The following TLK1 variants were observed in gnomAD, a reference collection of about 807,000 sequenced individuals.
TLK1 encodes the protein tousled like kinase 1, also known as serine/threonine-protein kinase tousled-like 1.
In TLK1, 24 loss-of-function variants were observed where a neutral mutation model predicts 105.3. The observed-to-expected ratio is 0.23, with a 90% CI of 0.17 to 0.32. The LOEUF (loss-of-function observed/expected upper bound fraction) is 0.32. TLK1 is among the 10% of genes least tolerant of loss of function. TLK1 has a pLI of 1.00. For synonymous variants in TLK1, 321 were observed against 310.4 expected, an observed-to-expected ratio of 1.03 and a Z score of -0.36; for missense variants, 558 against 910.5, an observed-to-expected ratio of 0.61 and a Z score of 4.98.
At chr2:171,004,155 G>A (rs1317653769) in intron 18 of TLK1, among the ~76,000 whole-genome samples, 1 of 151,950 alleles carries the variant, frequency 6.6e-6, no homozygotes, top group Non-Finnish European at 1.5e-5. Context: ...CAGAGACGAG[G>A]TTTCACCACG....
intron 1 of TLK1, among the ~76,000 whole-genome samples, chr2:171,138,899 A>AT (rs890419456): frequency 3.9e-5 from 6 of 152,150 alleles, no homozygotes; most frequent in African/African-American, 1.2e-4. Flanking sequence ...AGACATTCAT[A>AT]TTTTTTTACT....
chr2:171,186,186 T>G (rs1162016135), intron 1 of TLK1, among the ~76,000 whole-genome samples: 1 of 152,232 alleles, frequency 6.6e-6, no homozygotes, highest in African/African-American at 2.4e-5. Context: ...AGGAATGGCA[T>G]TGTTGGATTA....
chr2:171,178,174 A>G (rs728457), intron 1 of TLK1, among the ~76,000 whole-genome samples: 6,885 of 152,288 alleles, frequency 0.045, 460 homozygotes, highest in East Asian at 0.3. Flanking sequence ...GCTCCTGTCA[A>G]TAAACTCTAT....
At chr2:171,003,897 AACAG>A (rs1243909248) in intron 18 of TLK1, among the ~76,000 whole-genome samples, 1 of 152,224 alleles carries the variant, frequency 6.6e-6, no homozygotes, top group East Asian at 1.9e-4. Context: ...TAAATGGTAA[AACAG>A]ACAAGTATCT....
At chr2:171,172,073 T>C (rs1489576691) in intron 1 of TLK1, among the ~76,000 whole-genome samples, 2 of 152,352 alleles carry the variant, frequency 1.3e-5, no homozygotes, top group East Asian at 1.9e-4. Flanking sequence ...AATACAATAC[T>C]ATGCAGAAAT....
chr2:171,060,755 T>C (rs1229937319), intron 4 of TLK1, among the ~76,000 whole-genome samples: 4 of 152,064 alleles, frequency 2.6e-5, no homozygotes, highest in African/African-American at 9.7e-5. Context: ...TGGGAAAAGT[T>C]TGAGTAGTTC....
chr2:171,162,773 G>A (rs1692537921), upstream of TLK1, among the ~76,000 whole-genome samples: 1 of 152,106 alleles, frequency 6.6e-6, no homozygotes, highest in Non-Finnish European at 1.5e-5. Context: ...CAGTCAATTT[G>A]TACTCTTGTC....
At chr2:171,159,817 G>C (rs1362092815) in intron 1 of TLK1, 1 of 154,150 alleles carries the variant, frequency 6.5e-6, no homozygotes, top group Non-Finnish European at 1.4e-5. Context: ...GGGCAGCAAA[G>C]CTCGCAAAGT....
intron 2 of TLK1, among the ~76,000 whole-genome samples, chr2:171,113,098 C>A (rs1056657793): frequency 4.6e-5 from 7 of 151,904 alleles, no homozygotes; most frequent in Non-Finnish European, 8.8e-5. Context: ...ACAAAGTCAA[C>A]CCCAGAAAAA....
At chr2:171,220,541 A>G (rs1328310683) in intron 1 of TLK1, among the ~76,000 whole-genome samples, 3 of 152,216 alleles carry the variant, frequency 2.0e-5, no homozygotes, top group Non-Finnish European at 4.4e-5. Context: ...AGAGACCCAC[A>G]TGGGGAGGAC....
chr2:171,168,649 A>G (rs973147452), intron 1 of TLK1, among the ~76,000 whole-genome samples: 12 of 152,234 alleles, frequency 7.9e-5, no homozygotes, highest in Non-Finnish European at 4.4e-5. Context: ...GGTGTCTAAA[A>G]CAGACTTTAG....
At chr2:171,173,501 C>T (rs919854688) in intron 1 of TLK1, among the ~76,000 whole-genome samples, 1 of 152,030 alleles carries the variant, frequency 6.6e-6, no homozygotes, top group African/African-American at 2.4e-5. Context: ...GATCCTCCCA[C>T]CTCAGCTTCC....
chr2:171,041,591 T>C (rs977889352), intron 11 of TLK1, among the ~76,000 whole-genome samples: 1 of 152,204 alleles, frequency 6.6e-6, no homozygotes, highest in Non-Finnish European at 1.5e-5. Flanking sequence ...GAACTGCGCA[T>C]GCAAGGGATC....
In TLK1 at chr2:171,227,674, G is replaced by A. The variant is rs13413694; in HGVS notation, c.-6+3471C>T. 3.7e-3 allele frequency among the ~76,000 whole-genome samples: 514 copies of A among 137,530 alleles called. 8 individuals are homozygous for A. The highest frequency in any genetic ancestry group is 0.013 in the African/African-American group (485 of 36,832). The allele number at this position is 137,530 out of a possible 152,430, so 90.2% of individuals were successfully genotyped here. A position where few individuals can be genotyped will look rare whatever the true frequency, so the allele number is the denominator to read the frequency against. ...ATTCACTCCCCATTTTAGAACAGTC[G>A]AACAGCCAGAAAAATATTACAGCCC... On this transcript the variant is annotated intron_variant, in intron 1 of 20. Transcript: ENST00000521943.
rs185740792 is a variant in TLK1, at chr2:171,097,278, C to T, written c.259-14426G>A. On this transcript the variant is annotated intron_variant, in intron 2 of 20. Coordinates refer to ENST00000431350, the MANE Select transcript of TLK1 (RefSeq NM_012290.5). The stretch of plus-strand genomic sequence containing the variant: ...CTTGGGAAAACTGGTAATCCACATC[C>T]AGAAGTTGGAAACTGGACCCTTATC... 3.9e-5 allele frequency among the ~76,000 whole-genome samples: 6 copies of T among 152,206 alleles called. No individual in the cohort carries two copies. The East Asian group carries it at 1.2e-3, about 29-fold the overall frequency.
intron 1 of TLK1, among the ~76,000 whole-genome samples, chr2:171,176,956 C>A (rs1422246971): frequency 6.6e-6 from 1 of 152,016 alleles, no homozygotes; most frequent in African/African-American, 2.4e-5. Context: ...CCTCACCCTC[C>A]TGAGTGGCTG....
At chr2:171,211,732 T>C (rs908051547) in intron 1 of TLK1, among the ~76,000 whole-genome samples, 4 of 152,026 alleles carry the variant, frequency 2.6e-5, no homozygotes, top group Admixed American at 2.0e-4. Flanking sequence ...GTATTTTTAG[T>C]AGAGATGGAG....
chr2:171,095,208 C>CA (rs1036617931), intron 2 of TLK1, among the ~76,000 whole-genome samples: 3 of 150,466 alleles, frequency 2.0e-5, no homozygotes, highest in Admixed American at 2.0e-4. Flanking sequence ...ACCGTCCACC[C>CA]AAAAAACACT....
intron 3 of TLK1, among the ~76,000 whole-genome samples, chr2:171,061,424 T>A (rs923596399): frequency 1.3e-5 from 2 of 152,210 alleles, no homozygotes; most frequent in African/African-American, 4.8e-5. Flanking sequence ...AATCCTAGAA[T>A]AATTAGCCTT....
Sources: allele counts gnomAD v4.1 joint callset (sites outside exome capture counted in the v4.1 genomes callset), GRCh38; gene constraint gnomAD v4.1.1; transcripts MANE v1.5; gene names NCBI Gene and HGNC (gene_info 2026-07-23, HGNC 2026-07-21).